Variants in FHAD1 observed in about 807,000 individuals in gnomAD.
FHAD1 encodes forkhead associated phosphopeptide binding domain 1.
FHAD1 carries 146 observed loss-of-function variants against 191.3 expected under a neutral mutation model. The ratio of observed to expected loss-of-function variants is 0.76; its 90% CI spans 0.67 to 0.88. FHAD1 has a LOEUF of 0.88. Among genes scored for constraint, FHAD1 ranks in the 40% least tolerant of loss-of-function variants. FHAD1 has a pLI of 0.00. For synonymous variants in FHAD1, 616 were observed against 672.3 expected (o/e 0.92, Z 1.29); for missense variants, 1,635 against 1,785.8 (o/e 0.92, Z 1.52).
chr1:15,322,553 G>C (rs973449451), intron 10 of FHAD1, among the ~76,000 whole-genome samples: 1 of 152,222 alleles, frequency 6.6e-6, no homozygotes, highest in South Asian at 2.1e-4. Context: ...CACTAGCCAC[G>C]TGTGGCCATT....
At chr1:15,348,756 G>A (rs78487487) in intron 18 of FHAD1, among the ~76,000 whole-genome samples, 5,231 of 152,090 alleles carry the variant, frequency 0.034, 316 homozygotes, top group African/African-American at 0.12. Flanking sequence ...TTTCCTCTGC[G>A]CAGGCTTCAG....
At chr1:15,360,383 C>T in intron 21 of FHAD1, 95 bp from the exon 22 acceptor site, 2 of 1,106,620 alleles carry the variant, frequency 1.8e-6, no homozygotes, top group South Asian at 2.9e-5. Context: ...GGGGTGGGGC[C>T]CAGTTTAGCA....
chr1:15,308,483 AAAAAG>A, intron 6 of FHAD1, 125 bp from the exon 7 acceptor site: 1 of 1,293,630 alleles, frequency 7.7e-7, no homozygotes, highest in Non-Finnish European at 1.0e-6. Context: ...GGTTAAAACT[AAAAAG>A]CTTGGTTTCC....
chr1:15,369,946 A>G (rs1051980176), intron 26 of FHAD1, among the ~76,000 whole-genome samples: 1 of 152,186 alleles, frequency 6.6e-6, no homozygotes, highest in Non-Finnish European at 1.5e-5. Flanking sequence ...GAACAAACAC[A>G]CACAAACCCA....
chr1:15,317,911 CTG>C lies in FHAD1; in HGVS notation c.1349_1350del (p.Leu450GlnfsTer7). On this transcript the variant is annotated frameshift_variant, in exon 10 of 34. Coordinates refer to ENST00000688493, the MANE Select transcript of FHAD1 (RefSeq NM_001391957.1). LOFTEE classifies it high-confidence loss of function. ...TGAACAAAGCGTGATCTCTAGGACT[CTG>C]AGAGAAAAAAGCAAGGTACGTAGTG... ...CTEQSVISRT[L>X]REKSKVEEKL... 1 of 1,551,148 alleles carries C rather than the reference CTG, an allele frequency of 6.4e-7. No homozygotes were observed. Among genetic ancestry groups the C allele is most frequent in the Non-Finnish European group, 8.7e-7 (1 of 1,146,572 alleles).
intron 23 of FHAD1, among the ~76,000 whole-genome samples, chr1:15,365,612 G>A (rs1696183728): frequency 6.6e-6 from 1 of 151,582 alleles, no homozygotes; most frequent in South Asian, 2.1e-4. Flanking sequence ...CACATGCCTG[G>A]TGCCTGGCCT....
At chr1:15,340,784 T>C (rs976249761) in intron 15 of FHAD1, among the ~76,000 whole-genome samples, 2 of 152,260 alleles carry the variant, frequency 1.3e-5, no homozygotes, top group African/African-American at 4.8e-5. Flanking sequence ...ATTTTATGCT[T>C]TGCAGACCAT....
chr1:15,365,481 A>ATTTTTTTTTTTTTTTTTTTTT (rs71587751), intron 23 of FHAD1, among the ~76,000 whole-genome samples: 7 of 112,752 alleles, frequency 6.2e-5, no homozygotes, highest in African/African-American at 2.2e-4. Context: ...TGCCTGGCTA[A>ATTTTTTTTTTTTTTTTTTTTT]TTTTTTTTTT....
At chr1:15,263,072 C>CAT (rs1244499652) in intron 2 of FHAD1, among the ~76,000 whole-genome samples, 6 of 152,178 alleles carry the variant, frequency 3.9e-5, no homozygotes, top group Non-Finnish European at 7.3e-5. Flanking sequence ...GCATTCTTCT[C>CAT]ATATACTTGT....
chr1:15,265,008 T>A (rs1415925229), intron 2 of FHAD1, among the ~76,000 whole-genome samples: 2 of 152,232 alleles, frequency 1.3e-5, no homozygotes, highest in African/African-American at 2.4e-5. Flanking sequence ...ATCCCTGCAT[T>A]CCAGGAATCA....
At chr1:15,301,905 T>G (rs901847562) in intron 6 of FHAD1, among the ~76,000 whole-genome samples, 2 of 152,114 alleles carry the variant, frequency 1.3e-5, no homozygotes, top group African/African-American at 4.8e-5. Flanking sequence ...TGCATGCCTG[T>G]AATCCCAACT....
At chr1:15,362,768 G>C in intron 23 of FHAD1, 42 bp downstream of exon 23, 1 of 1,483,900 alleles carries the variant, frequency 6.7e-7, no homozygotes. Context: ...ATTCTCACCG[G>C]CACCACCTGG....
chr1:15,368,703 G>GC (rs748357059), intron 25 of FHAD1, among the ~76,000 whole-genome samples: 42 of 152,306 alleles, frequency 2.8e-4, no homozygotes, highest in Non-Finnish European at 5.0e-4. Flanking sequence ...ACTTTGGGAG[G>GC]CTGAGGCAGG....
At chr1:15,364,714 G>A (rs772634386) in intron 23 of FHAD1, among the ~76,000 whole-genome samples, 3 of 152,124 alleles carry the variant, frequency 2.0e-5, no homozygotes, top group Non-Finnish European at 4.4e-5. Context: ...AAAGACTAAG[G>A]CTCCTAACCC....
At chr1:15,326,536 C>G (rs1414678200) in intron 11 of FHAD1, 1 of 152,312 alleles carries the variant, frequency 6.6e-6, no homozygotes, top group Non-Finnish European at 1.5e-5. Context: ...CTCCTCTACA[C>G]CAGGCACCGT....
chr1:15,254,469 A>T (rs1647174940), intron 2 of FHAD1, among the ~76,000 whole-genome samples: 1 of 150,354 alleles, frequency 6.7e-6, no homozygotes. Flanking sequence ...AATCGTTATT[A>T]TGGTCACATA....
chr1:15,296,178 G>A (rs1264766553), intron 4 of FHAD1, among the ~76,000 whole-genome samples: 1 of 151,992 alleles, frequency 6.6e-6, no homozygotes, highest in African/African-American at 2.4e-5. Flanking sequence ...GAAGGAAGGA[G>A]GTGGCCCTTT....
rs575136712 is a variant in FHAD1 at position 15,380,616 on chromosome 1, G to A, written c.3706-85G>A. On this transcript the variant is annotated intron_variant, in intron 28 of 33. Transcript: ENST00000688493. ...AATCAACTCTCTTGAGTTAATCTTCGGTAATCACACAGTGCTTTAGCTTCC... is the reference window on the plus strand; with the variant it reads ...AATCAACTCTCTTGAGTTAATCTTCAGTAATCACACAGTGCTTTAGCTTCC... The A allele has an allele frequency of 7.4e-5, 79 of 1,063,530 alleles. 1 individual carries two copies. In the East Asian group the frequency reaches 9.4e-4, roughly 13 times the overall value. 65.9% of individuals were successfully genotyped at this position (1,063,530 alleles called of 1,614,324 possible).
At position 15,276,307 on chromosome 1, in the gene FHAD1, C is replaced by T. The variant is rs1450443470; in HGVS notation, c.300+3778C>T. On this transcript the variant is annotated intron_variant, in intron 3 of 33. Coordinates refer to ENST00000688493, the MANE Select transcript of FHAD1 (RefSeq NM_001391957.1). The surrounding 1 kb of genome is among the most constrained non-coding windows in gnomAD (Gnocchi z 4.7). ...GTAAGAGGAGCACGCTAGCAGCCAC[C>T]TGCCTCCACTGTGAGCCTTCCCATG... 1.3e-5 allele frequency among the ~76,000 whole-genome samples: 2 copies of T among 152,234 alleles called. No individual in the cohort carries two copies. Among genetic ancestry groups the T allele is most frequent in the African/African-American group, 4.8e-5 (2 of 41,458 alleles).
Sources: allele counts gnomAD v4.1 joint callset (sites outside exome capture counted in the v4.1 genomes callset), GRCh38; gene constraint gnomAD v4.1.1; non-coding constraint Gnocchi (gnomAD v3.1); transcripts MANE v1.5; gene names NCBI Gene and HGNC (gene_info 2026-07-23, HGNC 2026-07-21).